The following LRMDA variants were observed in gnomAD, a reference collection of about 807,000 sequenced individuals.
The protein encoded by LRMDA is leucine rich melanocyte differentiation associated.
Under a neutral mutation model 29.8 loss-of-function variants are expected in LRMDA, and 18 were observed. That is an observed-to-expected ratio of 0.60 (90% CI 0.42 to 0.90). The LOEUF is 0.90. LRMDA is among the 40% of genes least tolerant of loss of function. The pLI, the probability that LRMDA is intolerant of heterozygous loss-of-function variation, is 0.00. For synonymous variants in LRMDA, 125 were observed against 109.4 expected, an observed-to-expected ratio of 1.14 and a Z score of -0.89; for missense variants, 273 against 273.9, an observed-to-expected ratio of 1.00 and a Z score of 0.02.
At chr10:76,535,418 G>A (rs959309737) in intron 6 of LRMDA, among the ~76,000 whole-genome samples, 21 of 151,542 alleles carry the variant, frequency 1.4e-4, no homozygotes, top group African/African-American at 4.1e-4. Flanking sequence ...CAGAAGATGC[G>A]TTGGCCTAAA....
intron 2 of LRMDA, among the ~76,000 whole-genome samples, chr10:75,919,621 G>A (rs1845994567): frequency 6.6e-6 from 1 of 152,134 alleles, no homozygotes; most frequent in Non-Finnish European, 1.5e-5. Flanking sequence ...AGTTAGGGAG[G>A]TCCTTGGAGC....
chr10:75,565,077 A>G lies in LRMDA; in HGVS notation c.131+126583A>G, dbSNP rs895741638. Among the ~76,000 whole-genome samples the G allele has an allele frequency of 5.3e-5, 8 of 152,210 alleles. No individual in the cohort carries two copies. In the South Asian group the frequency reaches 1.7e-3, roughly 32 times the overall value. On this transcript the variant is annotated intron_variant, in intron 2 of 6. Coordinates refer to ENST00000611255, the MANE Select transcript of LRMDA (RefSeq NM_001305581.2). ...TCATTTTGATTGACTGATCCAAGGAATGGAAATAGTCCACAAAGATTTTCT... is the reference window on the plus strand; with the variant it reads ...TCATTTTGATTGACTGATCCAAGGAGTGGAAATAGTCCACAAAGATTTTCT...
chr10:75,871,373 T>C (rs570408396), intron 2 of LRMDA, among the ~76,000 whole-genome samples: 2 of 152,310 alleles, frequency 1.3e-5, no homozygotes, highest in South Asian at 2.1e-4. Flanking sequence ...GCAAGTGCAA[T>C]TGAGCCAGTG....
chr10:75,753,877 C>G (rs1311823662), intron 2 of LRMDA, among the ~76,000 whole-genome samples: 4 of 152,004 alleles, frequency 2.6e-5, no homozygotes, highest in African/African-American at 9.7e-5. Context: ...AGGGAGCAGG[C>G]AGTAAAGATG....
intron 5 of LRMDA, among the ~76,000 whole-genome samples, chr10:76,206,834 A>G (rs1044480021): frequency 2.6e-5 from 4 of 152,174 alleles, no homozygotes; most frequent in African/African-American, 9.7e-5. Flanking sequence ...CCTGTGGCTA[A>G]ATTCCACCCC....
chr10:75,661,491 C>T (rs779786877), intron 2 of LRMDA, among the ~76,000 whole-genome samples: 7 of 152,202 alleles, frequency 4.6e-5, no homozygotes, highest in Non-Finnish European at 7.3e-5. Context: ...GCCAATGCTG[C>T]TGGTCCAGGG....
At chr10:76,034,792 AT>A (rs1848212824) in intron 2 of LRMDA, among the ~76,000 whole-genome samples, 1 of 152,150 alleles carries the variant, frequency 6.6e-6, no homozygotes, top group Admixed American at 6.5e-5. Context: ...GATTTGTCAC[AT>A]TTTATAGAAT....
intron 5 of LRMDA, among the ~76,000 whole-genome samples, chr10:76,063,528 G>A (rs959651742): frequency 5.9e-5 from 9 of 152,044 alleles, no homozygotes; most frequent in Non-Finnish European, 1.0e-4. Flanking sequence ...TTGTGTGTGT[G>A]CCTACGTTTT....
At chr10:75,472,857 T>G (rs1489846525) in intron 2 of LRMDA, among the ~76,000 whole-genome samples, 4 of 152,226 alleles carry the variant, frequency 2.6e-5, no homozygotes, top group Admixed American at 2.0e-4. Context: ...TTCCCTCTCT[T>G]GCTGAGGTCC....
At chr10:75,847,217 A>G (rs1844653917) in intron 2 of LRMDA, among the ~76,000 whole-genome samples, 3 of 152,330 alleles carry the variant, frequency 2.0e-5, no homozygotes, top group Non-Finnish European at 4.4e-5. Context: ...GTATGGTCAA[A>G]TGATTTTCAA....
At chr10:76,267,342 T>C (rs1231816711) in intron 5 of LRMDA, among the ~76,000 whole-genome samples, 1 of 152,206 alleles carries the variant, frequency 6.6e-6, no homozygotes, top group African/African-American at 2.4e-5. Flanking sequence ...ATAAAAAATT[T>C]ACCATTTAAA....
intron 2 of LRMDA, among the ~76,000 whole-genome samples, chr10:75,764,201 T>C (rs1040947833): frequency 4.6e-5 from 7 of 152,170 alleles, no homozygotes; most frequent in Non-Finnish European, 1.0e-4. Context: ...CCGGCCCATC[T>C]AGATTATTGA....
At chr10:75,759,731 T>C (rs551762410) in intron 2 of LRMDA, among the ~76,000 whole-genome samples, 245 of 152,344 alleles carry the variant, frequency 1.6e-3, no homozygotes, top group Middle Eastern at 3.4e-3. Context: ...CACTAGATTA[T>C]GTCTTGTTTT....
chr10:76,347,828 C>A (rs1841127455), intron 6 of LRMDA, among the ~76,000 whole-genome samples: 1 of 152,136 alleles, frequency 6.6e-6, no homozygotes, highest in African/African-American at 2.4e-5. Flanking sequence ...TAAATACTAA[C>A]AGCATCTTAT....
At chr10:75,438,974 G>A (rs1411770412) in intron 2 of LRMDA, among the ~76,000 whole-genome samples, 1 of 152,184 alleles carries the variant, frequency 6.6e-6, no homozygotes, top group Admixed American at 6.5e-5. Context: ...ATGAATGGGA[G>A]CTTTAAATAT....
intron 2 of LRMDA, among the ~76,000 whole-genome samples, chr10:75,581,722 G>C (rs1417384011): frequency 6.6e-6 from 1 of 152,000 alleles, no homozygotes; most frequent in African/African-American, 2.4e-5. Flanking sequence ...ATTGTAAGTG[G>C]GAGTTGAACA....
intron 2 of LRMDA, among the ~76,000 whole-genome samples, chr10:75,864,086 C>T (rs1195017813): frequency 6.6e-6 from 1 of 152,112 alleles, no homozygotes; most frequent in Non-Finnish European, 1.5e-5. Flanking sequence ...ACTGCATAAC[C>T]TTACTACCTT....
intron 2 of LRMDA, among the ~76,000 whole-genome samples, chr10:75,649,795 G>T (rs1468384335): frequency 6.6e-6 from 1 of 152,142 alleles, no homozygotes; most frequent in Admixed American, 6.5e-5. Context: ...TTTTGTTTGG[G>T]TGTGTGTGAT....
chr10:75,837,785 T>C (rs1844466828), intron 2 of LRMDA, among the ~76,000 whole-genome samples: 1 of 152,144 alleles, frequency 6.6e-6, no homozygotes, highest in Admixed American at 6.5e-5. Context: ...CAAGGCTCCT[T>C]GGTGTGGACC....
Sources: gnomAD v4.1 joint callset for allele counts (sites outside exome capture counted in the v4.1 genomes callset) on GRCh38, gnomAD v4.1.1 for gene constraint, MANE v1.5 for transcripts, NCBI Gene and HGNC (gene_info 2026-07-23, HGNC 2026-07-21) for gene names.